CSMD1: variants seen among roughly 807,000 people sequenced by gnomAD.
CSMD1 encodes CUB and Sushi multiple domains 1.
CSMD1 carries 213 observed loss-of-function variants against 417.5 expected under a neutral mutation model. The ratio of observed to expected loss-of-function variants is 0.51; its 90% CI spans 0.46 to 0.57. The LOEUF (loss-of-function observed/expected upper bound fraction) is 0.57, where lower values mean the gene tolerates loss of function less well. CSMD1 is among the 20% of genes least tolerant of loss of function. The probability of loss-of-function intolerance (pLI) is 0.00; values close to 1 mark genes in which losing one functional copy is unlikely to be tolerated. For synonymous variants in CSMD1, 2,862 were observed against 1,736.8 expected (o/e 1.65, Z -16.11); for missense variants, 6,923 against 4,529.7 (o/e 1.53, Z -15.17).
intron 1 of CSMD1, among the ~76,000 whole-genome samples, chr8:4,731,477 A>C (rs1463408108): frequency 6.6e-6 from 1 of 152,206 alleles, no homozygotes; most frequent in South Asian, 2.1e-4. Flanking sequence ...TTGCCTTGGA[A>C]AGGAGCAAAT....
At chr8:3,963,651 C>T (rs1055379548) in intron 5 of CSMD1, among the ~76,000 whole-genome samples, 57 of 152,154 alleles carry the variant, frequency 3.7e-4, no homozygotes, top group African/African-American at 1.3e-3. Context: ...AATACTAAAG[C>T]TATGTGCGTA....
intron 3 of CSMD1, among the ~76,000 whole-genome samples, chr8:4,033,753 C>T (rs1797477416): frequency 1.3e-5 from 2 of 152,114 alleles, no homozygotes; most frequent in Admixed American, 6.6e-5. Context: ...GGTATTGATT[C>T]TGTTCTTTTT....
chr8:3,356,585 G>C (rs748710625), intron 21 of CSMD1, among the ~76,000 whole-genome samples: 1 of 152,232 alleles, frequency 6.6e-6, no homozygotes. Flanking sequence ...TGAGGCAGGA[G>C]AATTGCTTGA....
At position 3,344,084 on chromosome 8, in the gene CSMD1, G is replaced by A. The variant is rs373140228; in HGVS notation, c.3475-634C>T. On this transcript the variant is annotated intron_variant, in intron 22 of 69. Transcript: ENST00000635120. ...ATCTTCCCAAGCAGTTGTAAAACGAGAGTAGATGTAATAAGTATACGGAAG... is the reference window on the plus strand; with the variant it reads ...ATCTTCCCAAGCAGTTGTAAAACGAAAGTAGATGTAATAAGTATACGGAAG... Among the ~76,000 whole-genome samples the A allele has an allele frequency of 7.9e-5, 12 of 152,170 alleles. 1 individual carries two copies. The highest frequency in any genetic ancestry group is 7.2e-4 in the Admixed American group (11 of 15,274).
At chr8:4,735,804 T>A (rs1222099394) in intron 1 of CSMD1, among the ~76,000 whole-genome samples, 1 of 152,192 alleles carries the variant, frequency 6.6e-6, no homozygotes, top group East Asian at 1.9e-4. Context: ...TTTCCAAGGC[T>A]GCCTAGATCT....
chr8:4,967,645 T>A (rs1159846540), intron 1 of CSMD1, among the ~76,000 whole-genome samples: 1 of 152,194 alleles, frequency 6.6e-6, no homozygotes, highest in Non-Finnish European at 1.5e-5. Context: ...TTAAATGATT[T>A]TATTCTCTGG....
At chr8:4,491,328 G>C (rs1801688115) in intron 2 of CSMD1, among the ~76,000 whole-genome samples, 1 of 152,124 alleles carries the variant, frequency 6.6e-6, no homozygotes, top group South Asian at 2.1e-4. Flanking sequence ...ATCTGGAAGG[G>C]GACAAGTCTG....
chr8:3,830,427 A>C (rs1318330751), intron 5 of CSMD1, among the ~76,000 whole-genome samples: 4 of 152,206 alleles, frequency 2.6e-5, no homozygotes, highest in African/African-American at 9.7e-5. Flanking sequence ...GGTTCTAATT[A>C]TACGTTGACT....
chr8:3,120,663 A>G (rs956489811), intron 41 of CSMD1, among the ~76,000 whole-genome samples: 11 of 150,994 alleles, frequency 7.3e-5, no homozygotes, highest in African/African-American at 2.2e-4. Context: ...CCTGAACAAC[A>G]TGGTGAAACC....
rs746477067 is a variant in CSMD1, at chr8:3,307,777, A to G, written c.3868T>C (p.Leu1290=). 5 of 1,613,592 alleles carry G rather than the reference A, an allele frequency of 3.1e-6. No individual in the cohort carries two copies. Among genetic ancestry groups the G allele is most frequent in the Non-Finnish European group, 2.5e-6 (3 of 1,179,706 alleles). Residue 1290 remains leucine, a synonymous_variant, in exon 25 of 70, where the codon TTG becomes CTG. Transcript: ENST00000635120. The part of the protein sequence containing the change: ...QIHAATSGRI[L]SPGYPAPYDN... ...TACGGAGCTGGATAGCCAGGGGACA[A>G]TATTCGTCCTGATGTGGCTGCATGG...
intron 41 of CSMD1, among the ~76,000 whole-genome samples, chr8:3,137,720 G>A (rs897517497): frequency 6.6e-5 from 10 of 152,080 alleles, no homozygotes; most frequent in East Asian, 3.9e-4. Flanking sequence ...ATTCTGTATC[G>A]CTCAGGGAAC....
chr8:3,700,124 C>T (rs970121047), intron 7 of CSMD1, among the ~76,000 whole-genome samples: 2 of 151,876 alleles, frequency 1.3e-5, no homozygotes, highest in Admixed American at 6.6e-5. Context: ...GGGAGTGGGG[C>T]GAGGGATAAA....
chr8:4,898,605 A>G (rs17071784), intron 1 of CSMD1, among the ~76,000 whole-genome samples: 2,434 of 152,296 alleles, frequency 0.016, 35 homozygotes, highest in Admixed American at 0.025. Context: ...AATGGCTAAT[A>G]ACGACAGTGT....
intron 7 of CSMD1, among the ~76,000 whole-genome samples, chr8:3,670,848 G>A (rs184806564): frequency 1.3e-5 from 2 of 149,614 alleles, no homozygotes; most frequent in South Asian, 2.1e-4. Context: ...TATGTATATG[G>A]GATATATATG....
At chr8:4,310,604 A>G (rs1218722817) in intron 3 of CSMD1, among the ~76,000 whole-genome samples, 1 of 152,202 alleles carries the variant, frequency 6.6e-6, no homozygotes, top group Non-Finnish European at 1.5e-5. Flanking sequence ...CGATGATGTT[A>G]AATCAACATG....
intron 26 of CSMD1, among the ~76,000 whole-genome samples, chr8:3,273,548 A>T (rs1219033380): frequency 1.3e-5 from 2 of 152,174 alleles, no homozygotes; most frequent in Non-Finnish European, 2.9e-5. Context: ...TTCGGTTGTG[A>T]GTCCATCTGG....
intron 3 of CSMD1, among the ~76,000 whole-genome samples, chr8:4,253,267 G>A (rs910207974): frequency 6.6e-6 from 1 of 152,094 alleles, no homozygotes; most frequent in African/African-American, 2.4e-5. Flanking sequence ...TTGATGTTAA[G>A]ACCCTGAGGC....
intron 5 of CSMD1, among the ~76,000 whole-genome samples, chr8:3,934,942 A>C (rs1032738545): frequency 6.6e-6 from 1 of 152,158 alleles, no homozygotes; most frequent in East Asian, 1.9e-4. Flanking sequence ...AGGGCATATA[A>C]AAGTAATATT....
intron 4 of CSMD1, among the ~76,000 whole-genome samples, chr8:4,017,676 A>T (rs1238238658): frequency 6.6e-6 from 1 of 151,956 alleles, no homozygotes; most frequent in Non-Finnish European, 1.5e-5. Context: ...TTTTTTTTCA[A>T]ATTCGACTTC....
Sources: allele counts gnomAD v4.1 joint callset (sites outside exome capture counted in the v4.1 genomes callset), GRCh38; gene constraint gnomAD v4.1.1; transcripts MANE v1.5; gene names NCBI Gene and HGNC (gene_info 2026-07-23, HGNC 2026-07-21).